The following TDRD12 variants were observed in gnomAD, a reference collection of about 807,000 sequenced individuals.
TDRD12 encodes tudor domain containing 12.
Under a neutral mutation model 133.5 loss-of-function variants are expected in TDRD12, and 158 were observed. That is an observed-to-expected ratio of 1.18 (90% CI 1.04 to 1.35). The LOEUF (loss-of-function observed/expected upper bound fraction) is 1.35, where lower values mean the gene tolerates loss of function less well. Ranked by LOEUF, TDRD12 falls within the 40% of genes most tolerant of loss-of-function variation. The pLI, the probability that TDRD12 is intolerant of heterozygous loss-of-function variation, is 0.00. For synonymous variants in TDRD12, 460 were observed against 477.9 expected, an observed-to-expected ratio of 0.96 and a Z score of 0.49; for missense variants, 1,443 against 1,321.3, an observed-to-expected ratio of 1.09 and a Z score of -1.43.
chr19:32,771,043 A>G (rs1970429759), intron 8 of TDRD12, among the ~76,000 whole-genome samples: 1 of 152,202 alleles, frequency 6.6e-6, no homozygotes. Flanking sequence ...GCTGTATAAG[A>G]AGCATAGAGC....
chr19:32,815,364 C>T (rs1436212696), intron 25 of TDRD12, 84 bp from the exon 26 acceptor site: 3 of 1,186,038 alleles, frequency 2.5e-6, no homozygotes, highest in African/African-American at 1.5e-5. Context: ...CTGAATGAAC[C>T]AGAGAGGCCC....
At chr19:32,725,353 A>G (rs1342373783) in intron 1 of TDRD12, among the ~76,000 whole-genome samples, 1 of 151,306 alleles carries the variant, frequency 6.6e-6, no homozygotes, top group Non-Finnish European at 1.5e-5. Flanking sequence ...TTTAGGTTTT[A>G]CATTTAAGTC....
chr19:32,741,005 A>G (rs1455276115), intron 3 of TDRD12, among the ~76,000 whole-genome samples: 1 of 152,220 alleles, frequency 6.6e-6, no homozygotes, highest in Non-Finnish European at 1.5e-5. Context: ...TGTCAGTTTA[A>G]TAAATATGAG....
chr19:32,805,216 CACACAT>C (rs757882178), intron 21 of TDRD12, among the ~76,000 whole-genome samples: 84 of 57,794 alleles, frequency 1.5e-3, no homozygotes, highest in Admixed American at 1.6e-3. Flanking sequence ...CACACACACA[CACACAT>C]ATATATATAT....
At chr19:32,796,981 C>CTT (rs1157185010) in intron 14 of TDRD12, among the ~76,000 whole-genome samples, 45 of 135,286 alleles carry the variant, frequency 3.3e-4, no homozygotes, top group Admixed American at 6.0e-4. Flanking sequence ...AGAGGTTCGT[C>CTT]TTTTTTTTTT....
At chr19:32,797,927 G>A in intron 15 of TDRD12, 36 bp downstream of exon 15, 1 of 665,134 alleles carries the variant, frequency 1.5e-6, no homozygotes, top group Non-Finnish European at 2.7e-6. Context: ...AAAAGTTAAA[G>A]TATCCTTTTC....
At position 32,802,827 on chromosome 19, in the gene TDRD12, C is replaced by A. The variant is rs543230510; in HGVS notation, c.2331+38C>A. On this transcript the variant is annotated intron_variant, in intron 20 of 27. Coordinates refer to ENST00000444215, the Ensembl canonical transcript of TDRD12. ...TTTATTCTCTTCCATATTCCACTGG[C>A]ATCTTCTGTGTCATGATAAGCTCAG... 2.3e-5 allele frequency: 35 copies of A among 1,535,208 alleles called. No homozygotes were observed. The South Asian group carries it at 3.7e-4, about 16-fold the overall frequency.
downstream of TDRD12, among the ~76,000 whole-genome samples, chr19:32,822,046 G>T (rs925934642): frequency 2.0e-5 from 3 of 152,124 alleles, no homozygotes; most frequent in African/African-American, 7.2e-5. Flanking sequence ...AATTGAACCC[G>T]GGAGGCAGAG....
intron 7 of TDRD12, among the ~76,000 whole-genome samples, chr19:32,756,678 G>A (rs574004040): frequency 5.9e-5 from 9 of 152,142 alleles, no homozygotes; most frequent in East Asian, 1.9e-4. Flanking sequence ...GTGACACCGC[G>A]CCCGGCCTCA....
rs114438301 is a variant in TDRD12 at position 32,723,260 on chromosome 19, T to G, written c.24+3164T>G. Among the ~76,000 whole-genome samples, 1,471 of 151,534 alleles carry G rather than the reference T, an allele frequency of 9.7e-3. 24 individuals are homozygous for G. Among genetic ancestry groups the G allele is most frequent in the African/African-American group, 0.034 (1,407 of 41,292 alleles). On this transcript the variant is annotated intron_variant, in intron 1 of 27. Coordinates refer to ENST00000444215, the Ensembl canonical transcript of TDRD12. ...GTAGCTTTATAGGTAACTATTTTGT[T>G]TTTTTTTTGAGACGGAGTCTTGCTC... is the stretch of plus-strand genomic sequence containing the variant.
chr19:32,814,757 C>T (rs563009416), intron 25 of TDRD12, among the ~76,000 whole-genome samples: 47 of 152,270 alleles, frequency 3.1e-4, no homozygotes, highest in Non-Finnish European at 5.6e-4. Context: ...CATCTCCACC[C>T]GTTCCTGCCC....
Position 32,802,641 on chromosome 19 carries a change from A to T in TDRD12, c.2198-15A>T, listed in dbSNP as rs1277810047. 2.3e-5 allele frequency: 36 copies of T among 1,534,500 alleles called. No homozygotes were observed. Among genetic ancestry groups the T allele is most frequent in the Non-Finnish European group, 3.1e-5 (35 of 1,146,210 alleles). On this transcript the variant is annotated splice_polypyrimidine_tract_variant and intron_variant, in intron 19 of 27. Coordinates refer to ENST00000444215, the Ensembl canonical transcript of TDRD12. ...ACTCCAGCGCGTGTGACATTGTCGGACTCCCTCTCTGCAGCCCTCACAGAC... is the reference window on the plus strand; with the variant it reads ...ACTCCAGCGCGTGTGACATTGTCGGTCTCCCTCTCTGCAGCCCTCACAGAC...
rs558472438 is a variant in TDRD12, at chr19:32,746,217, A to T, written c.441-2259A>T. The stretch of plus-strand genomic sequence containing the variant: ...GGCTGATGTGGTTATTCTGTGTGTG[A>T]GAGAGAGAGAGAGTCTGGCTGATGT... On this transcript the variant is annotated intron_variant, in intron 4 of 27. Transcript: ENST00000444215. Among the ~76,000 whole-genome samples, 210 of 134,380 alleles carry T rather than the reference A, an allele frequency of 1.6e-3. 1 individual carries two copies. The highest frequency in any genetic ancestry group is 5.3e-3 in the African/African-American group (184 of 34,792). The allele number at this position is 134,380 out of a possible 152,430, so 88.2% of individuals were successfully genotyped here. A position where few individuals can be genotyped will look rare whatever the true frequency, so the allele number is the denominator to read the frequency against.
chr19:32,743,301 C>A (rs1327263920), intron 4 of TDRD12, among the ~76,000 whole-genome samples: 3 of 152,152 alleles, frequency 2.0e-5, no homozygotes, highest in Non-Finnish European at 4.4e-5. Flanking sequence ...CCTACCTCAG[C>A]CTCCCAAATA....
chr19:32,734,414 A>G (rs540121336), intron 2 of TDRD12, among the ~76,000 whole-genome samples: 1 of 148,872 alleles, frequency 6.7e-6, no homozygotes, highest in East Asian at 2.0e-4. Flanking sequence ...TCTGTCACCC[A>G]GGCTGGAGTG....
intron 1 of TDRD12, 140 bp downstream of exon 1, chr19:32,720,236 G>A: frequency 1.3e-6 from 1 of 741,382 alleles, no homozygotes; most frequent in Admixed American, 2.5e-5. Flanking sequence ...TCCCACCCCC[G>A]ACCCCAACCC....
intron 8 of TDRD12, among the ~76,000 whole-genome samples, chr19:32,764,710 G>C (rs1333170886): frequency 1.6e-4 from 24 of 152,146 alleles, no homozygotes; most frequent in Admixed American, 1.6e-3. Context: ...TTTTGAAATA[G>C]CCAACTATAA....
At chr19:32,802,538 C>A in intron 19 of TDRD12, 118 bp from the exon 20 acceptor site, 1 of 1,185,334 alleles carries the variant, frequency 8.4e-7, no homozygotes. Context: ...AGTTTCTTTG[C>A]ATCCAAAAAA....
chr19:32,820,844 C>A (rs186252709), intron 27 of TDRD12, 189 bp from the exon 28 acceptor site: 215 of 580,308 alleles, frequency 3.7e-4, no homozygotes, highest in African/African-American at 2.0e-3. Context: ...GCACTGTGTG[C>A]TTGCCCATCA....
Sources: allele counts gnomAD v4.1 joint callset (sites outside exome capture counted in the v4.1 genomes callset), GRCh38; gene constraint gnomAD v4.1.1; transcripts MANE v1.5; gene names NCBI Gene and HGNC (gene_info 2026-07-23, HGNC 2026-07-21).